GBE1: variants seen among roughly 807,000 people sequenced by gnomAD.
GBE1 encodes 1,4-alpha-glucan branching enzyme 1.
A neutral mutation model predicts 88.8 loss-of-function variants in GBE1; 70 were observed. The observed-to-expected ratio is 0.79, with a 90% confidence interval of 0.65 to 0.96. The LOEUF (loss-of-function observed/expected upper bound fraction) is 0.96, where lower values mean the gene tolerates loss of function less well. Ranked by LOEUF, GBE1 falls within the 40% of genes least tolerant of loss-of-function variation. GBE1 has a pLI of 0.00. For missense variants in GBE1, 872 were observed against 871.0 expected (o/e 1.00, Z -0.01); for synonymous variants, 284 against 300.1 (o/e 0.95, Z 0.56).
intron 2 of GBE1, among the ~76,000 whole-genome samples, chr3:81,683,509 A>C (rs1455161482): frequency 6.6e-6 from 1 of 152,236 alleles, no homozygotes; most frequent in African/African-American, 2.4e-5. Flanking sequence ...GCCAAGGTAG[A>C]ACAACTTAAC....
intron 3 of GBE1, among the ~76,000 whole-genome samples, chr3:81,660,745 C>T (rs926690575): frequency 1.3e-5 from 2 of 151,954 alleles, no homozygotes. Context: ...GAACCACACA[C>T]TTTAAATTGA....
At chr3:81,597,818 T>C (rs528765537) in intron 7 of GBE1, among the ~76,000 whole-genome samples, 2 of 151,992 alleles carry the variant, frequency 1.3e-5, no homozygotes, top group East Asian at 1.9e-4. Context: ...TTTCTGGCAA[T>C]CAAAACAATC....
Position 81,633,055 on chromosome 3 carries a change from A to G in GBE1, c.992+9726T>C, listed in dbSNP as rs114164125. Among the ~76,000 whole-genome samples, 721 of 152,310 alleles carry G rather than the reference A, an allele frequency of 4.7e-3. 5 individuals carry two copies. Among genetic ancestry groups the G allele is most frequent in the African/African-American group, 0.016 (670 of 41,572 alleles). On this transcript the variant is annotated intron_variant, in intron 7 of 15. Coordinates refer to ENST00000429644, the MANE Select transcript of GBE1 (RefSeq NM_000158.4). The stretch of plus-strand genomic sequence containing the variant: ...TCCTTCTACCAAAAAATAGCTTGAC[A>G]TCCTTTTAAAAATAGTGTGATACAA...
intron 1 of GBE1, among the ~76,000 whole-genome samples, chr3:81,723,535 G>A (rs533555908): frequency 6.6e-6 from 1 of 152,184 alleles, no homozygotes; most frequent in East Asian, 1.9e-4. Flanking sequence ...AAGAAATAGT[G>A]AAATACATCT....
rs1213127419 is a variant in GBE1, at chr3:81,743,463, TAGTTTTA to T, written c.143+17905_143+17911del. On this transcript the variant is annotated intron_variant, in intron 1 of 15. Coordinates refer to ENST00000429644, the MANE Select transcript of GBE1 (RefSeq NM_000158.4). ...ACATACACCCCCACAATATTATCAC[TAGTTTTA>T]AGTTTTAACAGAGAATCAATCTTTC... 7.7e-5 allele frequency: 61 copies of T among 792,924 alleles called. No individual in the cohort carries two copies. The Admixed American group carries it at 1.0e-3, about 13-fold the overall frequency. The allele number at this position is 792,924 out of a possible 1,614,324, so 49.1% of individuals were successfully genotyped here.
chr3:81,552,614 T>C (rs35754586), intron 12 of GBE1, among the ~76,000 whole-genome samples: 34,189 of 151,308 alleles, frequency 0.23, 4,108 homozygotes, highest in East Asian at 0.41. Context: ...CAAAATCAGA[T>C]TTCTATATTC....
At chr3:81,682,385 C>A (rs13326721) in intron 2 of GBE1, among the ~76,000 whole-genome samples, 18,970 of 151,880 alleles carry the variant, frequency 0.12, 1,340 homozygotes, top group Non-Finnish European at 0.17. Context: ...TTGATTGAGC[C>A]CAGAAGGTCA....
chr3:81,496,984 T>A (rs1559624021), intron 15 of GBE1, among the ~76,000 whole-genome samples: 1 of 152,296 alleles, frequency 6.6e-6, no homozygotes, highest in East Asian at 1.9e-4. Flanking sequence ...AGCATTCAGC[T>A]CTTTTCTGTT....
chr3:81,612,360 A>T (rs2106994401), intron 7 of GBE1: 1 of 792,440 alleles, frequency 1.3e-6, no homozygotes, highest in Non-Finnish European at 2.1e-6. Flanking sequence ...GTGGACTTTG[A>T]AGATGGATCA....
intron 7 of GBE1, among the ~76,000 whole-genome samples, chr3:81,607,490 A>T (rs1235445128): frequency 6.6e-6 from 1 of 152,200 alleles, no homozygotes; most frequent in East Asian, 1.9e-4. Flanking sequence ...CAGAGGTTAC[A>T]GTGAGCCAAG....
intron 12 of GBE1, among the ~76,000 whole-genome samples, chr3:81,575,026 G>A (rs893874249): frequency 3.3e-5 from 5 of 151,918 alleles, no homozygotes; most frequent in South Asian, 2.1e-4. Flanking sequence ...TTAGCTGGGC[G>A]TGGTGGCGGG....
chr3:81,625,046 C>A (rs1213020435), intron 7 of GBE1, among the ~76,000 whole-genome samples: 1 of 139,732 alleles, frequency 7.2e-6, no homozygotes, highest in Non-Finnish European at 1.5e-5. Flanking sequence ...GACATAGACT[C>A]AAATCCTTCC....
At chr3:81,637,396 A>G (rs1704606355) in intron 7 of GBE1, among the ~76,000 whole-genome samples, 1 of 152,186 alleles carries the variant, frequency 6.6e-6, no homozygotes, top group African/African-American at 2.4e-5. Flanking sequence ...GCAAAACCAC[A>G]GATAAATGGG....
At chr3:81,619,983 T>C (rs1704302802) in intron 7 of GBE1, among the ~76,000 whole-genome samples, 1 of 151,998 alleles carries the variant, frequency 6.6e-6, no homozygotes, top group Non-Finnish European at 1.5e-5. Flanking sequence ...CATATACATT[T>C]ATGAGCTAAA....
chr3:81,624,397 T>G (rs749429145), intron 7 of GBE1, among the ~76,000 whole-genome samples: 5 of 152,176 alleles, frequency 3.3e-5, no homozygotes, highest in Non-Finnish European at 7.3e-5. Flanking sequence ...CACAAGCATA[T>G]TACTTAGGCA....
At chr3:81,662,290 C>T (rs2107099338) in intron 3 of GBE1, among the ~76,000 whole-genome samples, 1 of 152,288 alleles carries the variant, frequency 6.6e-6, no homozygotes, top group African/African-American at 2.4e-5. Flanking sequence ...CCTCGGCTTC[C>T]CAAAGTGCTG....
chr3:81,527,311 A>C (rs1232475879), intron 14 of GBE1, among the ~76,000 whole-genome samples: 44 of 152,040 alleles, frequency 2.9e-4, no homozygotes, highest in African/African-American at 9.9e-4. Context: ...TAGGCATGGG[A>C]AAGGACTTCA....
intron 14 of GBE1, among the ~76,000 whole-genome samples, chr3:81,510,302 G>A (rs772251647): frequency 6.6e-5 from 10 of 152,072 alleles, no homozygotes; most frequent in Non-Finnish European, 1.5e-4. Flanking sequence ...TTTAGCTGTG[G>A]TGGTAGAAAC....
intron 7 of GBE1, among the ~76,000 whole-genome samples, chr3:81,630,428 C>A (rs530145584): frequency 6.6e-6 from 1 of 151,994 alleles, no homozygotes; most frequent in Non-Finnish European, 1.5e-5. Flanking sequence ...CATATGGAAA[C>A]GAAAAAGAGC....
Sources: gnomAD v4.1 joint callset for allele counts (sites outside exome capture counted in the v4.1 genomes callset) on GRCh38, gnomAD v4.1.1 for gene constraint, MANE v1.5 for transcripts, NCBI Gene and HGNC (gene_info 2026-07-23, HGNC 2026-07-21) for gene names.